The following CTR9 variants were observed in gnomAD, a reference collection of about 807,000 sequenced individuals.
CTR9 encodes the protein RNA polymerase-associated protein CTR9 homolog.
A neutral mutation model predicts 152.1 loss-of-function variants in CTR9; 41 were observed. The observed-to-expected ratio is 0.27, with a 90% CI of 0.21 to 0.35. The LOEUF is 0.35. CTR9 is among the 10% of genes least tolerant of loss of function. The pLI is 1.00. For synonymous variants in CTR9, 476 were observed against 496.2 expected, an observed-to-expected ratio of 0.96 and a Z score of 0.54; for missense variants, 917 against 1,424.4, an observed-to-expected ratio of 0.64 and a Z score of 5.73.
rs770109490 is a variant in CTR9, at chr11:10,764,529, T to C, written c.1414-19T>C. Reference sequence around the variant, plus strand: ...GTATAAACTAAATCTTTTAACAGTGTGATTTTTCTTTCTCATAGAAATATT... The same window carrying C: ...GTATAAACTAAATCTTTTAACAGTGCGATTTTTCTTTCTCATAGAAATATT... On this transcript the variant is annotated intron_variant, in intron 11 of 24. Transcript: ENST00000361367. 6.2e-7 allele frequency: 1 copy of C among 1,603,682 alleles called. No homozygotes were observed. Among genetic ancestry groups the C allele is most frequent in the African/African-American group, 1.3e-5 (1 of 74,544 alleles).
chr11:10,773,375 G>A, intron 21 of CTR9, 102 bp downstream of exon 21: 1 of 1,399,746 alleles, frequency 7.1e-7, no homozygotes. Context: ...TACTAGTTTT[G>A]ACTTCCTCTT....
chr11:10,768,701 G>T (rs542310864), intron 16 of CTR9, among the ~76,000 whole-genome samples: 2 of 152,256 alleles, frequency 1.3e-5, no homozygotes, highest in East Asian at 3.9e-4. Flanking sequence ...CATGCCTCAG[G>T]CAAAGGACAT....
chr11:10,763,275 T>C (rs1010637704), intron 7 of CTR9, among the ~76,000 whole-genome samples, 156 bp from the exon 8 acceptor site: 1 of 150,580 alleles, frequency 6.6e-6, no homozygotes, highest in African/African-American at 2.4e-5. Flanking sequence ...TAGTGAATTA[T>C]TGATTAGGTT....
chr11:10,765,156 C>T (rs1029067177), intron 12 of CTR9, among the ~76,000 whole-genome samples: 27 of 152,070 alleles, frequency 1.8e-4, no homozygotes, highest in African/African-American at 6.5e-4. Context: ...GCAACCTATA[C>T]GTTATAAAAT....
In CTR9 at chr11:10,768,367, A is replaced by G. The variant is rs1863091730; in HGVS notation, c.1985A>G (p.Tyr662Cys). 6.2e-7 allele frequency: 1 copy of G among 1,613,508 alleles called. No homozygotes were observed. The highest frequency in any genetic ancestry group is 1.1e-5 in the South Asian group (1 of 90,902). Reference sequence around the variant, plus strand: ...GGAGCTGTTTTGGCCCACAAAGGATATTTTCGTGAAGCTCGTGATGTATTT... The same window carrying G: ...GGAGCTGTTTTGGCCCACAAAGGATGTTTTCGTGAAGCTCGTGATGTATTT... ...GIGAVLAHKG[Y>C]FREARDVFAQ... The change falls in exon 16 of 25, where the codon TAT (tyrosine) becomes TGT (cysteine). Residue 662 changes from tyrosine to cysteine, a missense_variant. Physicochemically the swap from Tyr to Cys is radical, Grantham distance 194. Around this residue, in one of 9 missense-constraint regions of CTR9, gnomAD observed 87 missense variants for 235.7 expected, o/e 0.37. Transcript: ENST00000361367.
chr11:10,752,680 A>G lies in CTR9; in HGVS notation c.54A>G (p.Glu18=), dbSNP rs779842828. 6.8e-6 allele frequency: 11 copies of G among 1,612,974 alleles called. No individual in the cohort carries two copies. The African/African-American group carries it at 1.3e-4, about 20-fold the overall frequency. Reference sequence around the variant, plus strand: ...TACCTTTTGTATTTTAGGTCATTGAACTTGACTTCGATCAGTTACCGGAGG... The same window carrying G: ...TACCTTTTGTATTTTAGGTCATTGAGCTTGACTTCGATCAGTTACCGGAGG... The part of the protein sequence containing the change: ...IPLRDTDEVI[E]LDFDQLPEGD... The change falls in exon 2 of 25, where the codon GAA becomes GAG. Residue 18 remains glutamate, a synonymous_variant. Transcript: ENST00000361367.
Position 10,779,144 on chromosome 11 carries a change from T to G in CTR9, c.*39T>G. The G allele has an allele frequency of 6.6e-7, 1 of 1,524,594 alleles. No homozygotes were observed. Among genetic ancestry groups the G allele is most frequent in the Non-Finnish European group, 8.8e-7 (1 of 1,131,510 alleles). The allele number at this position is 1,524,594 out of a possible 1,614,324, so 94.4% of individuals were successfully genotyped here. A position where few individuals can be genotyped will look rare whatever the true frequency, so the allele number is the denominator to read the frequency against. On this transcript the variant is annotated 3_prime_UTR_variant, in exon 25 of 25. Coordinates refer to ENST00000361367, the MANE Select transcript of CTR9 (RefSeq NM_014633.5). ...AATAAGCTTCATCTCTGGAGGAAACTTTTTTAATATATGAAAGCTGTGATA... is the reference window on the plus strand; with the variant it reads ...AATAAGCTTCATCTCTGGAGGAAACGTTTTTAATATATGAAAGCTGTGATA...
At position 10,751,277 on chromosome 11, in the gene CTR9, C is replaced by T. The variant is rs1470695682; in HGVS notation, c.-136C>T. On this transcript the variant is annotated 5_prime_UTR_variant, in exon 1 of 25. Transcript: ENST00000361367. ...TAAGCGGCTGACGGGAAGGAGAAGC[C>T]AGAGCTCCAGCGGCGCCGCGGGGCG... 6 of 900,758 alleles carry T rather than the reference C, an allele frequency of 6.7e-6. No individual in the cohort carries two copies. The highest frequency in any genetic ancestry group is 2.1e-5 in the Admixed American group (1 of 47,518). 55.8% of individuals were successfully genotyped at this position (900,758 alleles called of 1,614,324 possible). A position where few individuals can be genotyped will look rare whatever the true frequency, so the allele number is the denominator to read the frequency against.
In CTR9 at chr11:10,751,249, G is replaced by GT. The variant is rs933086378; in HGVS notation, c.-161dup. ...GGCCGTCCGCCGTCCGCTGCTCGTT[G>GT]TTTAAGCGGCTGACGGGAAGGAGAA... On this transcript the variant is annotated 5_prime_UTR_variant, in exon 1 of 25. Coordinates refer to ENST00000361367, the MANE Select transcript of CTR9 (RefSeq NM_014633.5). The GT allele has an allele frequency of 2.2e-5, 15 of 691,802 alleles. No individual in the cohort carries two copies. In the African/African-American group the frequency reaches 2.5e-4, roughly 12 times the overall value. The allele number at this position is 691,802 out of a possible 1,614,324, so 42.9% of individuals were successfully genotyped here.
At position 10,778,880 on chromosome 11, in the gene CTR9, T is replaced by C; in HGVS notation, c.3297T>C (p.Ser1099=). 1 of 1,614,222 alleles carries C rather than the reference T, an allele frequency of 6.2e-7. No homozygotes were observed. Among genetic ancestry groups the C allele is most frequent in the Non-Finnish European group, 8.5e-7 (1 of 1,180,030 alleles). ...QPSRKRRPSG[S]EQSDNESVQS... The stretch of plus-strand genomic sequence containing the variant: ...CCAGAAAGAGAAGGCCCTCCGGTTC[T>C]GAGCAGTCTGACAATGAATCTGTGC... The change falls in exon 25 of 25, where the codon TCT becomes TCC. Residue 1099 remains serine, a synonymous_variant. Coordinates refer to ENST00000361367, the MANE Select transcript of CTR9 (RefSeq NM_014633.5).
rs1863078501 is a variant in CTR9, at chr11:10,767,537, C to A, written c.1687-269C>A. ...AGGGAGCCACAGTATTTAAATTGAC[C>A]AACCTAATGTTACAACTACTTTGAG... On this transcript the variant is annotated intron_variant, in intron 13 of 24. Transcript: ENST00000361367. The surrounding 1 kb of genome is among the most constrained non-coding windows in gnomAD (Gnocchi z 4.0). The A allele has an allele frequency of 3.0e-6, 1 of 332,032 alleles. No homozygotes were observed. Among genetic ancestry groups the A allele is most frequent in the Non-Finnish European group, 5.6e-6 (1 of 178,614 alleles). 20.6% of individuals were successfully genotyped at this position (332,032 alleles called of 1,614,324 possible).
At position 10,764,191 on chromosome 11, in the gene CTR9, C is replaced by T. The variant is rs1251291959; in HGVS notation, c.1274C>T (p.Thr425Ile). ...WIELAQILEQ[T>I]DIQGALSAYG... ...GAATTGGCACAAATCTTAGAACAGA[C>T]TGATATACAGGTATTTTAGTAATGT... Residue 425 changes from threonine to isoleucine, a missense_variant, in exon 10 of 25, where the codon ACT (threonine) becomes ATT (isoleucine). Around this residue, in one of 9 missense-constraint regions of CTR9, gnomAD observed 133 missense variants for 244.1 expected, o/e 0.54. Transcript: ENST00000361367. The T allele has an allele frequency of 6.2e-7, 1 of 1,613,894 alleles. No individual in the cohort carries two copies. The highest frequency in any genetic ancestry group is 2.2e-5 in the East Asian group (1 of 44,888).
Position 10,751,458 on chromosome 11 carries a change from G to GT in CTR9, c.45+2dup. On this transcript the variant is annotated splice_donor_variant, in intron 1 of 24. Coordinates refer to ENST00000361367, the MANE Select transcript of CTR9 (RefSeq NM_014633.5). LOFTEE classifies it high-confidence loss of function. ...GATTCCCCTCCGGGACACTGACGAG[G>GT]TAAGTGTCGTGTATGGAGGCGGGTG... is the stretch of plus-strand genomic sequence containing the variant. The GT allele has an allele frequency of 2.5e-6, 4 of 1,613,880 alleles. No homozygotes were observed. Among genetic ancestry groups the GT allele is most frequent in the Non-Finnish European group, 2.5e-6 (3 of 1,179,996 alleles).
chr11:10,773,272 G>A lies in CTR9; in HGVS notation c.2726G>A (p.Arg909Gln), dbSNP rs758523329. The change falls in exon 21 of 25, where the codon CGG becomes CAG. Residue 909 changes from arginine to glutamine, a missense_variant and splice_region_variant. Arg to Gln is a conservative substitution (Grantham distance 43, BLOSUM62 1). This residue lies in a region of CTR9 where 384 missense variants were observed against 398.4 expected (regional missense o/e 0.96). Transcript: ENST00000361367. ...AAGAAAAGAGGTGGTGGTGGTGGACGGGTAAGATATAATTCCTGCTAGCAC... is the reference window on the plus strand; with the variant it reads ...AAGAAAAGAGGTGGTGGTGGTGGACAGGTAAGATATAATTCCTGCTAGCAC... Reference protein sequence around the residue: ...KEKKRGGGGGRRSKKGGEFDE... With the variant: ...KEKKRGGGGGQRSKKGGEFDE... The A allele has an allele frequency of 1.1e-5, 17 of 1,610,948 alleles. No homozygotes were observed. The highest frequency in any genetic ancestry group is 1.4e-5 in the Non-Finnish European group (16 of 1,179,312).
Position 10,778,990 on chromosome 11 carries a change from G to C in CTR9, c.3407G>C (p.Arg1136Thr). Residue 1136 changes from arginine to threonine, a missense_variant, in exon 25 of 25, where the codon AGA becomes ACA. Transcript: ENST00000361367. Reference protein sequence around the residue: ...PSAESDHESERGSDNEGSGQG... With the variant: ...PSAESDHESETGSDNEGSGQG... ...GCCGAATCAGATCACGAATCGGAGAGAGGATCTGATAATGAGGGTTCTGGC... is the reference window on the plus strand; with the variant it reads ...GCCGAATCAGATCACGAATCGGAGACAGGATCTGATAATGAGGGTTCTGGC... 1.2e-6 allele frequency: 2 copies of C among 1,614,222 alleles called. No individual in the cohort carries two copies. The highest frequency in any genetic ancestry group is 2.2e-5 in the South Asian group (2 of 91,080).
chr11:10,769,903 A>G (rs1448968589), intron 16 of CTR9, among the ~76,000 whole-genome samples: 1 of 152,232 alleles, frequency 6.6e-6, no homozygotes, highest in African/African-American at 2.4e-5. Context: ...GATTCTAGAT[A>G]GTATTGCTAA....
In CTR9 at chr11:10,771,531, C is replaced by G; in HGVS notation, c.2373-14C>G. The G allele has an allele frequency of 1.3e-6, 2 of 1,546,130 alleles. No individual in the cohort carries two copies. The highest frequency in any genetic ancestry group is 1.8e-6 in the Non-Finnish European group (2 of 1,120,390). ...TCTTTTTTTAAAAGTGAAGTATTTTCTCGTTTCATTTAGATACTTCAGTTA... is the reference window on the plus strand; with the variant it reads ...TCTTTTTTTAAAAGTGAAGTATTTTGTCGTTTCATTTAGATACTTCAGTTA... On this transcript the variant is annotated splice_polypyrimidine_tract_variant and intron_variant, in intron 18 of 24. Transcript: ENST00000361367.
chr11:10,756,660 A>T (rs868369042), intron 4 of CTR9, 89 bp from the exon 5 acceptor site: 11 of 812,204 alleles, frequency 1.4e-5, no homozygotes, highest in African/African-American at 3.5e-5. Context: ...TCACTCAGAG[A>T]TGTATTTAAC....
chr11:10,775,376 T>G (rs753235173), intron 23 of CTR9, 73 bp downstream of exon 23: 64 of 1,438,924 alleles, frequency 4.4e-5, no homozygotes, highest in Non-Finnish European at 6.0e-5. Flanking sequence ...AATACATTCT[T>G]TCCTTGCAGC....
Sources: allele counts gnomAD v4.1 joint callset (sites outside exome capture counted in the v4.1 genomes callset), GRCh38; gene constraint gnomAD v4.1.1; regional missense constraint gnomAD v4.1.1; non-coding constraint Gnocchi (gnomAD v3.1); transcripts MANE v1.5; gene names NCBI Gene and HGNC (gene_info 2026-07-23, HGNC 2026-07-21).